Variants in AFG2A observed in about 807,000 individuals in gnomAD.
AFG2A encodes the protein ATPase family gene 2 protein homolog A.
the AFG2A span, among the ~76,000 whole-genome samples, chr4:122,986,623 A>G: frequency 6.6e-6 from 1 of 152,160 alleles, no homozygotes; most frequent in Non-Finnish European, 1.5e-5. Flanking sequence ...GAGGGATAAA[A>G]GACTACAAAT....
At chr4:123,169,729 C>G in the AFG2A span, among the ~76,000 whole-genome samples, 1 of 152,204 alleles carries the variant, frequency 6.6e-6, no homozygotes, top group African/African-American at 2.4e-5. Flanking sequence ...GATCCGTCCG[C>G]CTCTGCCTCC....
At chr4:123,010,597 A>C in the AFG2A span, among the ~76,000 whole-genome samples, 1 of 152,226 alleles carries the variant, frequency 6.6e-6, no homozygotes, top group African/African-American at 2.4e-5. Flanking sequence ...AACTCTACTT[A>C]TAGCAGCCTG....
At chr4:123,162,147 G>A in the AFG2A span, among the ~76,000 whole-genome samples, 3 of 152,222 alleles carry the variant, frequency 2.0e-5, no homozygotes, top group African/African-American at 7.2e-5. Flanking sequence ...CACTATAAAA[G>A]TGGATTGTGT....
chr4:122,976,304 A>G, the AFG2A span, among the ~76,000 whole-genome samples: 1 of 152,216 alleles, frequency 6.6e-6, no homozygotes, highest in Non-Finnish European at 1.5e-5. Context: ...TCACAGATCA[A>G]AGGGCTCTAA....
At chr4:123,262,115 C>G in the AFG2A span, among the ~76,000 whole-genome samples, 1 of 152,076 alleles carries the variant, frequency 6.6e-6, no homozygotes, top group Non-Finnish European at 1.5e-5. Context: ...CTCATCTCCC[C>G]AAACACAGAT....
the AFG2A span, among the ~76,000 whole-genome samples, chr4:122,981,574 T>G: frequency 1.3e-5 from 2 of 152,002 alleles, 1 homozygote; most frequent in South Asian, 4.2e-4. Flanking sequence ...CATTGGAATT[T>G]TGGTAGTGGT....
At chr4:123,262,679 T>C in the AFG2A span, among the ~76,000 whole-genome samples, 3 of 152,230 alleles carry the variant, frequency 2.0e-5, no homozygotes, top group Admixed American at 2.0e-4. Flanking sequence ...TTTCATCTTC[T>C]CCAAAAAAGT....
At chr4:123,002,380 A>T in the AFG2A span, among the ~76,000 whole-genome samples, 1 of 152,140 alleles carries the variant, frequency 6.6e-6, no homozygotes, top group Non-Finnish European at 1.5e-5. Context: ...TCATTAGTTG[A>T]TGCAGTTTCT....
chr4:122,932,610 G>T, the AFG2A span, among the ~76,000 whole-genome samples: 1 of 152,126 alleles, frequency 6.6e-6, no homozygotes, highest in Admixed American at 6.6e-5. Context: ...AGAGGAGGAG[G>T]AAAAATGCTC....
At chr4:122,938,082 A>G in the AFG2A span, 12 of 1,516,248 alleles carry the variant, frequency 7.9e-6, no homozygotes, top group African/African-American at 1.5e-4. Flanking sequence ...AAAACTTAAA[A>G]TCAAATATAG....
chr4:123,027,374 G>A, the AFG2A span, among the ~76,000 whole-genome samples: 1 of 151,600 alleles, frequency 6.6e-6, no homozygotes. Flanking sequence ...TTCCTTCTGA[G>A]CTTTCTGTCA....
chr4:123,310,656 T>C, the AFG2A span, among the ~76,000 whole-genome samples: 1 of 152,228 alleles, frequency 6.6e-6, no homozygotes, highest in Non-Finnish European at 1.5e-5. Flanking sequence ...TAGACATGCC[T>C]GGATCTTCCA....
chr4:122,934,092 T>C, the AFG2A span: 14 of 1,582,620 alleles, frequency 8.8e-6, no homozygotes, highest in Admixed American at 2.3e-4. Flanking sequence ...TATACTGTTT[T>C]CTAGATGGCA....
chr4:123,125,144 T>C, the AFG2A span, among the ~76,000 whole-genome samples: 1 of 152,146 alleles, frequency 6.6e-6, no homozygotes, highest in African/African-American at 2.4e-5. Context: ...TGTACATAGA[T>C]TTTTCTAGAC....
chr4:123,142,495 A>G, the AFG2A span, among the ~76,000 whole-genome samples: 1 of 152,158 alleles, frequency 6.6e-6, no homozygotes. Context: ...ATAATTTTGT[A>G]TTATATATGT....
chr4:123,123,543 A>G, the AFG2A span, among the ~76,000 whole-genome samples: 804 of 152,272 alleles, frequency 5.3e-3, 2 homozygotes, highest in African/African-American at 0.018. Context: ...GCTTACCTCA[A>G]AATATCTGGT....
chr4:122,954,136 C>T, the AFG2A span, among the ~76,000 whole-genome samples: 5 of 152,188 alleles, frequency 3.3e-5, no homozygotes, highest in South Asian at 2.1e-4. Context: ...CACAACCACC[C>T]AGCTAAGGAG....
At chr4:123,026,067 C>G in the AFG2A span, among the ~76,000 whole-genome samples, 1 of 151,446 alleles carries the variant, frequency 6.6e-6, no homozygotes, top group African/African-American at 2.4e-5. Flanking sequence ...TCTCAGGGCC[C>G]TGTGTAGAGC....
chr4:123,056,338 C>T, the AFG2A span: 6 of 1,535,366 alleles, frequency 3.9e-6, no homozygotes, highest in Non-Finnish European at 5.3e-6. Context: ...AAGAAATATA[C>T]ATGATTGCAT....
Sources: allele counts gnomAD v4.1 joint callset (sites outside exome capture counted in the v4.1 genomes callset), GRCh38; gene constraint gnomAD v4.1.1; transcripts MANE v1.5; gene names NCBI Gene and HGNC (gene_info 2026-07-23, HGNC 2026-07-21).